The following PLCH1 variants were observed in gnomAD, a reference collection of about 807,000 sequenced individuals.
PLCH1 encodes 1-phosphatidylinositol 4,5-bisphosphate phosphodiesterase eta-1.
A neutral mutation model predicts 126.7 loss-of-function variants in PLCH1; 60 were observed. The ratio of observed to expected loss-of-function variants is 0.47; its 90% CI spans 0.38 to 0.59. The LOEUF (loss-of-function observed/expected upper bound fraction) is 0.59. Among genes scored for constraint, PLCH1 ranks in the 20% least tolerant of loss-of-function variants. PLCH1 has a pLI of 0.00. For synonymous variants in PLCH1, 719 were observed against 734.9 expected, an observed-to-expected ratio of 0.98 and a Z score of 0.35; for missense variants, 1,723 against 2,040.0, an observed-to-expected ratio of 0.84 and a Z score of 2.99.
intron 21 of PLCH1, among the ~76,000 whole-genome samples, chr3:155,465,433 C>T (rs896220675): frequency 4.6e-5 from 7 of 151,856 alleles, no homozygotes; most frequent in East Asian, 2.0e-4. Context: ...CAGCATTCAT[C>T]GCCTGCTAAC....
At chr3:155,564,472 G>A (rs998745031) in intron 8 of PLCH1, among the ~76,000 whole-genome samples, 1 of 152,106 alleles carries the variant, frequency 6.6e-6, no homozygotes, top group Non-Finnish European at 1.5e-5. Flanking sequence ...GGCTGAGGAA[G>A]GAGAATCGCT....
chr3:155,547,864 G>A (rs928045246), intron 10 of PLCH1, among the ~76,000 whole-genome samples: 6 of 136,264 alleles, frequency 4.4e-5, no homozygotes, highest in Non-Finnish European at 6.1e-5. Context: ...CACAGGAAGG[G>A]GACATCACAC....
chr3:155,639,541 A>T (rs1444074474), intron 2 of PLCH1, among the ~76,000 whole-genome samples: 1 of 152,230 alleles, frequency 6.6e-6, no homozygotes, highest in Non-Finnish European at 1.5e-5. Context: ...ATATGAAGAC[A>T]TCTGATGTTA....
At chr3:155,642,997 G>A (rs1739585385) in intron 2 of PLCH1, among the ~76,000 whole-genome samples, 1 of 152,170 alleles carries the variant, frequency 6.6e-6, no homozygotes, top group African/African-American at 2.4e-5. Flanking sequence ...TCACCAGGCT[G>A]GAGTGTAGTG....
At chr3:155,582,121 G>A (rs1303904487) in intron 6 of PLCH1, among the ~76,000 whole-genome samples, 4 of 109,890 alleles carry the variant, frequency 3.6e-5, no homozygotes, top group African/African-American at 1.4e-4. Context: ...TCGCTCTGCC[G>A]CCCAGGCTGG....
chr3:155,557,713 C>T (rs902489889), intron 8 of PLCH1, among the ~76,000 whole-genome samples: 8 of 152,148 alleles, frequency 5.3e-5, no homozygotes, highest in Non-Finnish European at 1.0e-4. Flanking sequence ...ATAAAAGAGC[C>T]GGGGCCCATT....
intron 21 of PLCH1, among the ~76,000 whole-genome samples, chr3:155,467,357 T>G (rs1379243684): frequency 6.6e-6 from 1 of 152,102 alleles, no homozygotes; most frequent in Non-Finnish European, 1.5e-5. Context: ...GTGGGTCACC[T>G]GGGCTCAAGA....
chr3:155,519,212 C>A (rs1419055732), intron 11 of PLCH1, among the ~76,000 whole-genome samples: 1 of 152,164 alleles, frequency 6.6e-6, no homozygotes, highest in Non-Finnish European at 1.5e-5. Context: ...GCACCATGCA[C>A]CTGCAGCAGG....
chr3:155,742,341 A>G (rs186679834), intron 1 of PLCH1: 1 of 152,314 alleles, frequency 6.6e-6, no homozygotes, highest in Admixed American at 6.5e-5. Flanking sequence ...TATCTGAAAG[A>G]CTGATTTTTA....
At chr3:155,536,235 A>C (rs1192285151) in intron 10 of PLCH1, among the ~76,000 whole-genome samples, 1 of 152,256 alleles carries the variant, frequency 6.6e-6, no homozygotes, top group African/African-American at 2.4e-5. Context: ...GGAACCAGAA[A>C]AACAATTCTG....
At chr3:155,453,868 A>C (rs1370023288) in intron 21 of PLCH1, among the ~76,000 whole-genome samples, 2 of 151,850 alleles carry the variant, frequency 1.3e-5, no homozygotes, top group Non-Finnish European at 2.9e-5. Context: ...TGCAAATTAA[A>C]AATAGAAATT....
At chr3:155,515,192 G>A (rs958409592) in intron 11 of PLCH1, among the ~76,000 whole-genome samples, 1 of 152,168 alleles carries the variant, frequency 6.6e-6, no homozygotes, top group Non-Finnish European at 1.5e-5. Flanking sequence ...TGCTTAGAGA[G>A]AAATCAAGTA....
At chr3:155,738,587 G>T (rs1749377920) in intron 1 of PLCH1, among the ~76,000 whole-genome samples, 1 of 152,032 alleles carries the variant, frequency 6.6e-6, no homozygotes, top group Non-Finnish European at 1.5e-5. Context: ...ATCAAGACCA[G>T]CCTGGCTAAC....
intron 2 of PLCH1, among the ~76,000 whole-genome samples, chr3:155,692,752 A>G (rs1745490783): frequency 7.3e-6 from 1 of 136,056 alleles, no homozygotes; most frequent in African/African-American, 3.2e-5. Flanking sequence ...AGTCCCTCCA[A>G]TCATTAGCAA....
chr3:155,741,068 T>C (rs358746), intron 1 of PLCH1, among the ~76,000 whole-genome samples: 73,203 of 152,040 alleles, frequency 0.48, 20,887 homozygotes, highest in African/African-American at 0.79. Context: ...AAGACAGAGA[T>C]CTTGATGATA....
intron 8 of PLCH1, among the ~76,000 whole-genome samples, chr3:155,564,214 A>C (rs1383019624): frequency 6.6e-6 from 1 of 152,220 alleles, no homozygotes; most frequent in East Asian, 1.9e-4. Flanking sequence ...CACCACCTGG[A>C]ACCCACTAGA....
chr3:155,598,572 G>A (rs981946987), intron 2 of PLCH1, among the ~76,000 whole-genome samples: 6 of 152,222 alleles, frequency 3.9e-5, no homozygotes, highest in African/African-American at 1.4e-4. Flanking sequence ...CTTAAAGAGT[G>A]TAAATTTTAA....
chr3:155,486,417 TAA>T (rs1158861712), intron 21 of PLCH1, among the ~76,000 whole-genome samples: 3 of 151,344 alleles, frequency 2.0e-5, no homozygotes, highest in East Asian at 3.9e-4. Flanking sequence ...TTGAAAGGAA[TAA>T]AGAGTATGAC....
At chr3:155,570,993 C>G (rs1356851928) in intron 6 of PLCH1, among the ~76,000 whole-genome samples, 1 of 152,108 alleles carries the variant, frequency 6.6e-6, no homozygotes, top group Non-Finnish European at 1.5e-5. Context: ...AGAAAAGACT[C>G]ACTGGTCCTC....
Sources: gnomAD v4.1 joint callset for allele counts (sites outside exome capture counted in the v4.1 genomes callset) on GRCh38, gnomAD v4.1.1 for gene constraint, MANE v1.5 for transcripts, NCBI Gene and HGNC (gene_info 2026-07-23, HGNC 2026-07-21) for gene names.